The following TIPIN variants were observed in gnomAD, a reference collection of about 807,000 sequenced individuals.
TIPIN encodes the protein TIMELESS interacting protein, also known as TIMELESS-interacting protein.
A neutral mutation model predicts 35.6 loss-of-function variants in TIPIN; 29 were observed. The observed-to-expected ratio is 0.82, with a 90% CI of 0.61 to 1.11. The LOEUF (loss-of-function observed/expected upper bound fraction) is 1.11, where lower values mean the gene tolerates loss of function less well. TIPIN is among the 50% of genes most tolerant of loss of function. The probability of loss-of-function intolerance (pLI) is 0.00; values close to 1 mark genes in which losing one functional copy is unlikely to be tolerated. For synonymous variants in TIPIN, 102 were observed against 121.5 expected (o/e 0.84, Z 1.06); for missense variants, 296 against 345.4 (o/e 0.86, Z 1.13).
At chr15:66,374,001 C>T (rs1369589948) in intron 1 of TIPIN, among the ~76,000 whole-genome samples, 1 of 152,210 alleles carries the variant, frequency 6.6e-6, no homozygotes, top group Non-Finnish European at 1.5e-5. Context: ...CCATGCCCAG[C>T]TTGTCTTTTT....
At chr15:66,339,826 CT>C (rs1268858842) in intron 7 of TIPIN, among the ~76,000 whole-genome samples, 1 of 152,050 alleles carries the variant, frequency 6.6e-6, no homozygotes, top group Non-Finnish European at 1.5e-5. Flanking sequence ...TAAACAGCTA[CT>C]TTCAAAAGTA....
chr15:66,367,496 G>A (rs1312104826), intron 1 of TIPIN, among the ~76,000 whole-genome samples: 3 of 151,566 alleles, frequency 2.0e-5, no homozygotes, highest in African/African-American at 7.3e-5. Flanking sequence ...CTGGGTTCAA[G>A]CGTTTCTCCT....
At chr15:66,377,869 C>T (rs1487792983) in intron 1 of TIPIN, among the ~76,000 whole-genome samples, 2 of 150,760 alleles carry the variant, frequency 1.3e-5, no homozygotes, top group Admixed American at 6.6e-5. Context: ...TTTCTTGAGA[C>T]GGAGTCTCGC....
intron 1 of TIPIN, chr15:66,379,939 A>G (rs1050732026): frequency 8.7e-7 from 1 of 1,145,576 alleles, no homozygotes; most frequent in African/African-American, 1.6e-5. Flanking sequence ...ACGGCAAAGG[A>G]CCTGGAATTT....
At chr15:66,338,674 C>T (rs377386460) in intron 7 of TIPIN, among the ~76,000 whole-genome samples, 49 of 151,626 alleles carry the variant, frequency 3.2e-4, no homozygotes, top group African/African-American at 1.0e-3. Context: ...ATTAGCCAGG[C>T]GTGGTGGCAG....
At position 66,336,226 on chromosome 15, in the gene TIPIN, T is replaced by C. The variant is rs181836336; in HGVS notation, c.*732A>G. The C allele has an allele frequency of 2.9e-4, 44 of 152,284 alleles. No homozygotes were observed. Among genetic ancestry groups the C allele is most frequent in the African/African-American group, 1.0e-3 (43 of 41,556 alleles). The allele number at this position is 152,284 out of a possible 1,614,324, so 9.4% of individuals were successfully genotyped here. A position where few individuals can be genotyped will look rare whatever the true frequency, so the allele number is the denominator to read the frequency against. On this transcript the variant is annotated 3_prime_UTR_variant, in exon 8 of 8. Coordinates refer to ENST00000261881, the MANE Select transcript of TIPIN (RefSeq NM_017858.3). The stretch of plus-strand genomic sequence containing the variant: ...GATAATTTTTACTTCTTTTAAAAAA[T>C]TGACATTAATATTCAGTATATATGT...
intron 1 of TIPIN, among the ~76,000 whole-genome samples, chr15:66,382,019 TG>T (rs2093320364): frequency 6.6e-6 from 1 of 152,078 alleles, no homozygotes; most frequent in African/African-American, 2.4e-5. Context: ...GAGCCGAGAT[TG>T]CACCACTGCA....
intron 6 of TIPIN, among the ~76,000 whole-genome samples, chr15:66,343,160 A>G (rs1388897399): frequency 6.6e-6 from 1 of 152,210 alleles, no homozygotes; most frequent in East Asian, 1.9e-4. Context: ...AACAACCCCA[A>G]CAAAATGTAC....
At chr15:66,378,373 G>A (rs2093305397) in intron 1 of TIPIN, among the ~76,000 whole-genome samples, 1 of 152,082 alleles carries the variant, frequency 6.6e-6, no homozygotes, top group Non-Finnish European at 1.5e-5. Context: ...CTGACCTCGT[G>A]ATCTGCCTTC....
chr15:66,348,992 A>AAT, intron 6 of TIPIN, 68 bp downstream of exon 6: 1 of 1,290,544 alleles, frequency 7.7e-7, no homozygotes, highest in Admixed American at 2.0e-5. Flanking sequence ...GGGTTGAGCC[A>AAT]CCACACCCTG....
Position 66,373,471 on chromosome 15 carries a change from C to A in TIPIN, c.-9+13136G>T, listed in dbSNP as rs533015533. Among the ~76,000 whole-genome samples the A allele has an allele frequency of 3.0e-3, 426 of 143,262 alleles. 4 individuals are homozygous for A. Among genetic ancestry groups the A allele is most frequent in the African/African-American group, 0.011 (414 of 37,650 alleles). 94.0% of individuals were successfully genotyped at this position (143,262 alleles called of 152,430 possible). On this transcript the variant is annotated intron_variant, in intron 1 of 7. Transcript: ENST00000562124. ...TCGCACCACTGCACTCCAGCCTGGG[C>A]GACAGAGCGAGACTCCGTCTCAAAA...
At chr15:66,372,023 G>A (rs376893939) in intron 1 of TIPIN, among the ~76,000 whole-genome samples, 2 of 151,880 alleles carry the variant, frequency 1.3e-5, no homozygotes, top group Admixed American at 6.6e-5. Context: ...TTGAACTCCC[G>A]AGCTCAAGCG....
intron 6 of TIPIN, among the ~76,000 whole-genome samples, chr15:66,345,773 T>C (rs556721389): frequency 6.6e-6 from 1 of 151,984 alleles, no homozygotes; most frequent in Non-Finnish European, 1.5e-5. Flanking sequence ...AATCAACAAA[T>C]AAAATGGTCA....
At chr15:66,362,780 G>C (rs1428406600) in intron 1 of TIPIN, among the ~76,000 whole-genome samples, 1 of 152,080 alleles carries the variant, frequency 6.6e-6, no homozygotes, top group Non-Finnish European at 1.5e-5. Flanking sequence ...AAAACCAAAA[G>C]ACCATGAACT....
At chr15:66,369,946 T>C (rs575542757) in intron 1 of TIPIN, among the ~76,000 whole-genome samples, 18 of 152,206 alleles carry the variant, frequency 1.2e-4, no homozygotes, top group African/African-American at 1.9e-4. Context: ...GGGTTTTCCA[T>C]TGAGTGGAAG....
rs756671096 is a variant in TIPIN, at chr15:66,352,952, T to C, written c.-5A>G. The C allele has an allele frequency of 6.2e-7, 1 of 1,611,096 alleles. No homozygotes were observed. The highest frequency in any genetic ancestry group is 8.5e-7 in the Non-Finnish European group (1 of 1,178,774). On this transcript the variant is annotated 5_prime_UTR_variant, in exon 2 of 8. Transcript: ENST00000261881. ...ATTCTCCTGTGGTTCTAGCATCTTT[T>C]CCTCTAGGGGAAAAAATTAAAGTTA...
intron 6 of TIPIN, among the ~76,000 whole-genome samples, chr15:66,346,071 C>T (rs368929481): frequency 7.9e-5 from 12 of 151,908 alleles, no homozygotes; most frequent in Admixed American, 2.0e-4. Context: ...CTTAGCCTCC[C>T]GAGTAACTAG....
At chr15:66,349,534 G>A in intron 4 of TIPIN, 97 bp from the exon 5 acceptor site, 9 of 1,454,728 alleles carry the variant, frequency 6.2e-6, no homozygotes, top group Non-Finnish European at 8.3e-6. Context: ...CAAAATCACT[G>A]GGGTCATTTT....
At chr15:66,346,957 A>G (rs1418930137) in intron 6 of TIPIN, among the ~76,000 whole-genome samples, 4 of 151,900 alleles carry the variant, frequency 2.6e-5, no homozygotes, top group Non-Finnish European at 5.9e-5. Context: ...ACACCCGGCT[A>G]ATTTTTTTTA....
Sources: allele counts gnomAD v4.1 joint callset (sites outside exome capture counted in the v4.1 genomes callset), GRCh38; gene constraint gnomAD v4.1.1; transcripts MANE v1.5; gene names NCBI Gene and HGNC (gene_info 2026-07-23, HGNC 2026-07-21).